Variants in MAN2A1 observed in about 807,000 individuals in gnomAD.
The protein encoded by MAN2A1 is alpha-mannosidase 2.
Under a neutral mutation model 142.6 loss-of-function variants are expected in MAN2A1, and 76 were observed. That is an observed-to-expected ratio of 0.53 (90% CI 0.44 to 0.65). The LOEUF is 0.65. Ranked by LOEUF, MAN2A1 falls within the 30% of genes least tolerant of loss-of-function variation. The pLI, the probability that MAN2A1 is intolerant of heterozygous loss-of-function variation, is 0.00. For synonymous variants in MAN2A1, 559 were observed against 473.2 expected (o/e 1.18, Z -2.35); for missense variants, 1,311 against 1,365.1 (o/e 0.96, Z 0.62).
intron 16 of MAN2A1, among the ~76,000 whole-genome samples, chr5:109,832,521 C>A (rs1754939785): frequency 6.6e-6 from 1 of 152,146 alleles, no homozygotes; most frequent in South Asian, 2.1e-4. Context: ...CATCCCAAGG[C>A]AGAAGAATTT....
intron 20 of MAN2A1, among the ~76,000 whole-genome samples, chr5:109,859,943 GAT>G (rs577749086): frequency 1.0e-4 from 15 of 144,424 alleles, no homozygotes; most frequent in Admixed American, 1.4e-4. Context: ...ATATAAACAT[GAT>G]ATATATATAT....
At chr5:109,832,742 C>T (rs931773367) in intron 16 of MAN2A1, among the ~76,000 whole-genome samples, 13 of 150,722 alleles carry the variant, frequency 8.6e-5, no homozygotes, top group Non-Finnish European at 1.6e-4. Flanking sequence ...ACTTCCCTCC[C>T]GGATGGGGCG....
chr5:109,762,030 G>A (rs1408029485), intron 5 of MAN2A1, among the ~76,000 whole-genome samples: 1 of 152,036 alleles, frequency 6.6e-6, no homozygotes, highest in Non-Finnish European at 1.5e-5. Context: ...AAAGTAAGGA[G>A]AAATCCTTCT....
intron 10 of MAN2A1, among the ~76,000 whole-genome samples, chr5:109,785,779 A>C (rs1004851649): frequency 2.0e-5 from 3 of 152,042 alleles, no homozygotes; most frequent in Admixed American, 2.0e-4. Context: ...AGTTTAGACT[A>C]TTCTTCCTGA....
At chr5:109,790,176 C>G (rs1417719595) in intron 12 of MAN2A1, among the ~76,000 whole-genome samples, 1 of 151,846 alleles carries the variant, frequency 6.6e-6, no homozygotes, top group African/African-American at 2.4e-5. Context: ...TTGACCCAGG[C>G]ACACAGTGGT....
intron 10 of MAN2A1, 111 bp from the exon 11 acceptor site, chr5:109,788,823 T>A: frequency 1.6e-6 from 1 of 611,126 alleles, no homozygotes; most frequent in East Asian, 2.8e-5. Context: ...TAGGTTTCAC[T>A]TTGAATACAA....
Position 109,788,913 on chromosome 5 carries a change from AAT to A in MAN2A1, c.1761-19_1761-18del. The A allele has an allele frequency of 9.1e-7, 1 of 1,098,470 alleles. No homozygotes were observed. The highest frequency in any genetic ancestry group is 1.4e-6 in the Non-Finnish European group (1 of 718,154). The allele number at this position is 1,098,470 out of a possible 1,614,324, so 68.0% of individuals were successfully genotyped here. ...AGATTTTTAAATTGTTTCTCAGACT[AAT>A]AAAATTTTTGATTTACAGACTTTTT... On this transcript the variant is annotated intron_variant, in intron 10 of 21. Transcript: ENST00000261483.
intron 20 of MAN2A1, among the ~76,000 whole-genome samples, chr5:109,856,644 T>C (rs1755611230): frequency 6.6e-6 from 1 of 152,228 alleles, no homozygotes. Flanking sequence ...TTTTTCCTTC[T>C]TCAGCTCAAT....
intron 16 of MAN2A1, 42 bp downstream of exon 16, chr5:109,823,879 G>A (rs769418298): frequency 1.0e-6 from 1 of 955,366 alleles, no homozygotes; most frequent in South Asian, 2.3e-5. Context: ...ATGTATTATG[G>A]TTTTTGAATT....
chr5:109,846,388 A>G (rs1302671344), intron 18 of MAN2A1, among the ~76,000 whole-genome samples: 2 of 152,190 alleles, frequency 1.3e-5, no homozygotes, highest in African/African-American at 4.8e-5. Flanking sequence ...TTGTGGTTCA[A>G]ACTTAGGTCC....
At chr5:109,863,734 G>A (rs1755812513) in intron 20 of MAN2A1, 1 of 152,200 alleles carries the variant, frequency 6.6e-6, no homozygotes, top group African/African-American at 2.4e-5. Context: ...TACCATAAAT[G>A]AAGGGTTTTC....
chr5:109,824,508 G>A (rs1754708671), intron 16 of MAN2A1, among the ~76,000 whole-genome samples: 2 of 152,162 alleles, frequency 1.3e-5, no homozygotes, highest in Admixed American at 6.5e-5. Context: ...GTAGAATGGT[G>A]TGCTTTTCCA....
chr5:109,813,912 C>G (rs980876933), intron 12 of MAN2A1, among the ~76,000 whole-genome samples: 3 of 152,132 alleles, frequency 2.0e-5, no homozygotes, highest in African/African-American at 7.2e-5. Flanking sequence ...TTTTCTCCAG[C>G]CAAAGTAGAT....
intron 4 of MAN2A1, among the ~76,000 whole-genome samples, chr5:109,752,007 A>G (rs1752561019): frequency 6.6e-6 from 1 of 152,098 alleles, no homozygotes; most frequent in South Asian, 2.1e-4. Context: ...CCCTGTCCAA[A>G]TTTGTATGCA....
intron 4 of MAN2A1, among the ~76,000 whole-genome samples, chr5:109,744,832 T>A (rs993668804): frequency 2.0e-5 from 3 of 152,194 alleles, no homozygotes; most frequent in Non-Finnish European, 4.4e-5. Context: ...GGCTTTTTCC[T>A]AGTAACTTCA....
At chr5:109,703,183 T>G (rs1751037344) in intron 1 of MAN2A1, among the ~76,000 whole-genome samples, 2 of 152,252 alleles carry the variant, frequency 1.3e-5, no homozygotes, top group Admixed American at 1.3e-4. Context: ...TTAGGTTGAT[T>G]ACTGACAATT....
chr5:109,858,211 C>T (rs567561316), intron 20 of MAN2A1, among the ~76,000 whole-genome samples: 25 of 152,306 alleles, frequency 1.6e-4, no homozygotes, highest in Non-Finnish European at 3.4e-4. Flanking sequence ...ATTATCATAT[C>T]AGTTGGTGCC....
chr5:109,789,212 C>A (rs1022622242), intron 11 of MAN2A1, among the ~76,000 whole-genome samples, 164 bp downstream of exon 11: 1 of 151,738 alleles, frequency 6.6e-6, no homozygotes, highest in Admixed American at 6.6e-5. Flanking sequence ...GTATGTTCAT[C>A]TTTTCTATAA....
intron 1 of MAN2A1, among the ~76,000 whole-genome samples, chr5:109,692,364 C>G (rs1220912104): frequency 6.6e-6 from 1 of 152,120 alleles, no homozygotes; most frequent in East Asian, 1.9e-4. Flanking sequence ...GATTGCCTTT[C>G]TCAGATTTTC....
Sources: allele counts gnomAD v4.1 joint callset (sites outside exome capture counted in the v4.1 genomes callset), GRCh38; gene constraint gnomAD v4.1.1; transcripts MANE v1.5; gene names NCBI Gene and HGNC (gene_info 2026-07-23, HGNC 2026-07-21).